Variants in SUGCT observed in about 807,000 individuals in gnomAD.
SUGCT encodes the protein succinyl-CoA:glutarate CoA-transferase.
In SUGCT, 41 loss-of-function variants were observed where a neutral mutation model predicts 55.0. The observed-to-expected ratio is 0.74, with a 90% CI of 0.58 to 0.97. The LOEUF is 0.97. SUGCT is among the 50% of genes least tolerant of loss of function. The pLI is 0.00. For missense variants in SUGCT, 568 were observed against 547.8 expected (o/e 1.04, Z -0.37); for synonymous variants, 187 against 200.4 (o/e 0.93, Z 0.56).
chr7:40,896,971 A>G, the SUGCT span, among the ~76,000 whole-genome samples: 7 of 152,242 alleles, frequency 4.6e-5, no homozygotes, highest in Non-Finnish European at 8.8e-5. Context: ...CTACAAAGCT[A>G]CTGTAATCAA....
the SUGCT span, among the ~76,000 whole-genome samples, chr7:41,005,375 C>T: frequency 7.2e-5 from 11 of 152,026 alleles, no homozygotes; most frequent in Non-Finnish European, 1.2e-4. Flanking sequence ...CATCCCCCCA[C>T]CCATGAGGGA....
chr7:40,430,390 G>A (rs187652884), intron 9 of SUGCT, among the ~76,000 whole-genome samples: 1 of 152,184 alleles, frequency 6.6e-6, no homozygotes, highest in East Asian at 1.9e-4. Flanking sequence ...TCTCATAGTG[G>A]TTTCAATTTG....
At chr7:40,193,746 G>A (rs1302258104) in intron 5 of SUGCT, among the ~76,000 whole-genome samples, 1 of 151,188 alleles carries the variant, frequency 6.6e-6, no homozygotes, top group African/African-American at 2.4e-5. Context: ...TTACAGGCAT[G>A]TGCCACCACA....
At chr7:40,415,634 T>G (rs1412552947) in intron 9 of SUGCT, among the ~76,000 whole-genome samples, 2 of 152,104 alleles carry the variant, frequency 1.3e-5, no homozygotes, top group African/African-American at 2.4e-5. Flanking sequence ...TATTCTATTT[T>G]TACTTATTTT....
At chr7:40,859,300 T>C (rs1288257133) in intron 13 of SUGCT, among the ~76,000 whole-genome samples, 2 of 152,180 alleles carry the variant, frequency 1.3e-5, no homozygotes, top group Non-Finnish European at 2.9e-5. Flanking sequence ...TGGCTGCTGA[T>C]GTTATGGAAA....
chr7:40,760,313 G>C (rs1788467505), intron 13 of SUGCT, among the ~76,000 whole-genome samples: 1 of 152,192 alleles, frequency 6.6e-6, no homozygotes, highest in Non-Finnish European at 1.5e-5. Flanking sequence ...GCATGTGGTT[G>C]ATACTATGGC....
At chr7:40,245,776 A>T (rs1026680995) in intron 7 of SUGCT, among the ~76,000 whole-genome samples, 2 of 151,898 alleles carry the variant, frequency 1.3e-5, no homozygotes, top group African/African-American at 2.4e-5. Flanking sequence ...AGATTTTTTG[A>T]TAGAGGCATA....
At chr7:40,838,419 G>T (rs73689863) in intron 13 of SUGCT, among the ~76,000 whole-genome samples, 15,112 of 152,080 alleles carry the variant, frequency 0.099, 841 homozygotes, top group Middle Eastern at 0.18. Context: ...CATTTACTTA[G>T]GTCTTCTATG....
chr7:40,334,850 T>G (rs1181962816), intron 9 of SUGCT, among the ~76,000 whole-genome samples: 1 of 152,258 alleles, frequency 6.6e-6, no homozygotes, highest in Admixed American at 6.5e-5. Context: ...TGAATGGTAA[T>G]GCCTAGGTTT....
At chr7:40,401,852 A>G (rs1380990604) in intron 9 of SUGCT, among the ~76,000 whole-genome samples, 5 of 152,194 alleles carry the variant, frequency 3.3e-5, no homozygotes, top group Non-Finnish European at 4.4e-5. Context: ...GCCTTTTCCA[A>G]TTTTTGGATA....
intron 9 of SUGCT, among the ~76,000 whole-genome samples, chr7:40,423,963 G>T (rs927908433): frequency 6.6e-6 from 1 of 151,878 alleles, no homozygotes; most frequent in Non-Finnish European, 1.5e-5. Context: ...TATTTGTTAT[G>T]TGTCTCTCTT....
At chr7:40,613,150 G>T (rs1364446444) in intron 12 of SUGCT, among the ~76,000 whole-genome samples, 1 of 152,028 alleles carries the variant, frequency 6.6e-6, no homozygotes, top group African/African-American at 2.4e-5. Context: ...AATCCTTGGA[G>T]CCAAATTCAA....
intron 9 of SUGCT, among the ~76,000 whole-genome samples, chr7:40,389,424 C>G (rs559815339): frequency 1.5e-4 from 21 of 136,300 alleles, no homozygotes; most frequent in African/African-American, 5.6e-4. Flanking sequence ...TGTACTCTAG[C>G]CTGGGCACGC....
At chr7:40,405,901 T>C (rs1457341533) in intron 9 of SUGCT, among the ~76,000 whole-genome samples, 5 of 152,094 alleles carry the variant, frequency 3.3e-5, no homozygotes, top group Admixed American at 1.3e-4. Context: ...GGTGATGCCA[T>C]TGGTGTGACC....
chr7:40,757,443 A>G (rs563018173), intron 13 of SUGCT, among the ~76,000 whole-genome samples: 50 of 152,334 alleles, frequency 3.3e-4, no homozygotes, highest in African/African-American at 1.1e-3. Context: ...CTTTTGCAAC[A>G]TATCCTCATC....
chr7:40,521,220 G>A (rs181602269), intron 12 of SUGCT, among the ~76,000 whole-genome samples: 62 of 152,200 alleles, frequency 4.1e-4, no homozygotes, highest in Middle Eastern at 3.4e-3. Context: ...TGCCATCCCC[G>A]TGTGATGCTG....
rs545413639 is a variant in SUGCT at position 40,523,293 on chromosome 7, AGACT to A, written c.1089+26908_1089+26911del. 4.4e-3 allele frequency among the ~76,000 whole-genome samples: 666 copies of A among 152,244 alleles called. 2 individuals carry two copies. Among genetic ancestry groups the A allele is most frequent in the African/African-American group, 0.015 (618 of 41,572 alleles). On this transcript the variant is annotated intron_variant, in intron 12 of 13. Coordinates refer to ENST00000335693, the MANE Select transcript of SUGCT (RefSeq NM_001193313.2). ...ATGATATCTAAAGATTTATGAAGCC[AGACT>A]ATCAGCAGATACAATGAAATTATGT...
At chr7:40,794,313 G>T (rs1790450300) in intron 13 of SUGCT, among the ~76,000 whole-genome samples, 1 of 152,182 alleles carries the variant, frequency 6.6e-6, no homozygotes, top group Admixed American at 6.5e-5. Flanking sequence ...TATAATGTTT[G>T]TTACTCTCAA....
chr7:40,643,343 T>G (rs1398446412), intron 12 of SUGCT, among the ~76,000 whole-genome samples: 1 of 152,104 alleles, frequency 6.6e-6, no homozygotes, highest in Non-Finnish European at 1.5e-5. Context: ...AGCTGTGCAA[T>G]TTGGGCAGTC....
Sources: gnomAD v4.1 joint callset for allele counts (sites outside exome capture counted in the v4.1 genomes callset) on GRCh38, gnomAD v4.1.1 for gene constraint, MANE v1.5 for transcripts, NCBI Gene and HGNC (gene_info 2026-07-23, HGNC 2026-07-21) for gene names.